The following TDP1 variants were observed in gnomAD, a reference collection of about 807,000 sequenced individuals.
TDP1 encodes the protein tyrosyl-DNA phosphodiesterase 1, also known as tyr-DNA phosphodiesterase 1.
Under a neutral mutation model 81.5 loss-of-function variants are expected in TDP1, and 64 were observed. That is an observed-to-expected ratio of 0.79 (90% CI 0.64 to 0.97). TDP1 has a LOEUF of 0.97. TDP1 is among the 50% of genes least tolerant of loss of function. TDP1 has a pLI of 0.00. For synonymous variants in TDP1, 256 were observed against 264.3 expected, an observed-to-expected ratio of 0.97 and a Z score of 0.30; for missense variants, 723 against 743.8, an observed-to-expected ratio of 0.97 and a Z score of 0.33.
intron 6 of TDP1, among the ~76,000 whole-genome samples, chr14:89,971,794 G>T (rs1893695799): frequency 6.6e-6 from 1 of 152,126 alleles, no homozygotes; most frequent in South Asian, 2.1e-4. Context: ...GTGGCTGTGG[G>T]TTTCTTTTTG....
At chr14:89,999,543 G>A (rs981413771) in intron 14 of TDP1, among the ~76,000 whole-genome samples, 1 of 152,076 alleles carries the variant, frequency 6.6e-6, no homozygotes, top group Non-Finnish European at 1.5e-5. Context: ...TAATGTTTGG[G>A]TTTGGAATGA....
At chr14:89,964,452 T>C (rs1264843802) in intron 3 of TDP1, among the ~76,000 whole-genome samples, 5 of 152,160 alleles carry the variant, frequency 3.3e-5, no homozygotes, top group Admixed American at 6.5e-5. Flanking sequence ...TGGGAGCAAA[T>C]ATATGAAGTA....
chr14:90,019,479 C>T (rs2140262891), intron 15 of TDP1, 61 bp downstream of exon 15: 1 of 936,272 alleles, frequency 1.1e-6, no homozygotes, highest in East Asian at 2.4e-5. Flanking sequence ...GCTTTGTGTT[C>T]TCTTCCTTTA....
At chr14:89,998,416 A>C (rs56994501) in intron 14 of TDP1, among the ~76,000 whole-genome samples, 4 of 85,788 alleles carry the variant, frequency 4.7e-5, no homozygotes, top group African/African-American at 2.4e-4. Context: ...ATATATATAT[A>C]TATATATGTA....
Position 89,984,519 on chromosome 14 carries a change from A to G in TDP1, c.888A>G (p.Ile296Met), listed in dbSNP as rs371566573. Residue 296 changes from isoleucine (I) to methionine (M), a missense_variant, in exon 9 of 17, where the codon ATA (isoleucine) becomes ATG (methionine). Coordinates refer to ENST00000335725, the MANE Select transcript of TDP1 (RefSeq NM_018319.4). ...HADWHQKTQG[I>M]WLSPLYPRIA... ...AAGGTTATTTTTTTAATTCCAGAAT[A>G]TGGTTGAGCCCCTTATACCCACGAA... 33 of 1,613,964 alleles carry G rather than the reference A, an allele frequency of 2.0e-5. No homozygotes were observed. The South Asian group carries it at 3.6e-4, about 18-fold the overall frequency.
rs1887420444 is a variant in TDP1, at chr14:90,032,700, C to A, written c.1645-406C>A. On this transcript the variant is annotated intron_variant, in intron 15 of 16. Transcript: ENST00000335725. The stretch of plus-strand genomic sequence containing the variant: ...TTATACATGAAAGCAGCTTTTATTT[C>A]TTCTTACTCCAGGCAGCCTGTTACT... 1.0e-5 allele frequency: 10 copies of A among 978,584 alleles called. No homozygotes were observed. In the Admixed American group the frequency reaches 6.2e-4, roughly 60 times the overall value. 60.6% of individuals were successfully genotyped at this position (978,584 alleles called of 1,614,324 possible).
chr14:89,970,298 G>A lies in TDP1; in HGVS notation c.660-877G>A, dbSNP rs1011255111. ...ATTATATTTGGAATTCAAAAATATA[G>A]CATTTTCAACGTAGCTTGGGCTCTG... On this transcript the variant is annotated intron_variant, in intron 5 of 16. Coordinates refer to ENST00000335725, the MANE Select transcript of TDP1 (RefSeq NM_018319.4). Among the ~76,000 whole-genome samples, 37 of 152,286 alleles carry A rather than the reference G, an allele frequency of 2.4e-4. No homozygotes were observed. The Middle Eastern group carries it at 0.01, about 42-fold the overall frequency.
chr14:90,029,677 T>G (rs1887061143), intron 15 of TDP1, among the ~76,000 whole-genome samples: 1 of 151,594 alleles, frequency 6.6e-6, no homozygotes, highest in Non-Finnish European at 1.5e-5. Flanking sequence ...TTTTGTATTT[T>G]TAGTAGAGAC....
intron 15 of TDP1, among the ~76,000 whole-genome samples, chr14:90,029,514 T>G (rs1211485598): frequency 1.5e-4 from 22 of 149,598 alleles, no homozygotes; most frequent in South Asian, 4.3e-4. Flanking sequence ...TTTTTTTTTT[T>G]TGAGACAGAG....
rs1888617740 is a variant in TDP1, at chr14:90,044,238, T to C, written c.*1095T>C. On this transcript the variant is annotated 3_prime_UTR_variant, in exon 17 of 17. Transcript: ENST00000335725. ...AAACATACAAAAGCACACAAGTATTTTGGGAAAAAATCCTAAAAGGTGACT... is the reference window on the plus strand; with the variant it reads ...AAACATACAAAAGCACACAAGTATTCTGGGAAAAAATCCTAAAAGGTGACT... 6.6e-6 allele frequency: 1 copy of C among 152,208 alleles called. No homozygotes were observed. The highest frequency in any genetic ancestry group is 1.5e-5 in the Non-Finnish European group (1 of 68,046). 9.4% of individuals were successfully genotyped at this position (152,208 alleles called of 1,614,324 possible).
At chr14:89,987,710 G>C (rs1002710896) in intron 10 of TDP1, among the ~76,000 whole-genome samples, 3 of 152,158 alleles carry the variant, frequency 2.0e-5, no homozygotes, top group Non-Finnish European at 2.9e-5. Flanking sequence ...CAGTCCCCTG[G>C]TGGGAGAAAG....
intron 15 of TDP1, chr14:90,022,897 G>T: frequency 1.2e-6 from 1 of 825,630 alleles, no homozygotes; most frequent in East Asian, 2.7e-5. Context: ...AGGAGAGGCT[G>T]TCCAACGGAA....
At chr14:90,035,843 C>A (rs537598290) in intron 16 of TDP1, among the ~76,000 whole-genome samples, 1 of 151,948 alleles carries the variant, frequency 6.6e-6, no homozygotes, top group Non-Finnish European at 1.5e-5. Flanking sequence ...TTCCCACCCC[C>A]AGCCCTGCAC....
At chr14:89,992,534 G>A (rs1896304012) in intron 13 of TDP1, among the ~76,000 whole-genome samples, 1 of 152,230 alleles carries the variant, frequency 6.6e-6, no homozygotes, top group African/African-American at 2.4e-5. Context: ...ACAGGTGTTT[G>A]CTGTGCTGGT....
chr14:90,013,306 C>T (rs2140234959), intron 14 of TDP1, among the ~76,000 whole-genome samples: 1 of 152,260 alleles, frequency 6.6e-6, no homozygotes, highest in Admixed American at 6.5e-5. Context: ...ACCCAAATGT[C>T]ATCTTGAACT....
intron 16 of TDP1, among the ~76,000 whole-genome samples, chr14:90,034,388 A>G (rs1596716143): frequency 6.6e-6 from 1 of 152,224 alleles, no homozygotes; most frequent in African/African-American, 2.4e-5. Flanking sequence ...AACTGCATGC[A>G]TTGAGTCTTA....
chr14:90,044,164 A>G lies in TDP1; in HGVS notation c.*1021A>G, dbSNP rs922166070. ...AAACCCAAACACCTGCCTAGGGTAA[A>G]TGGGTCTCTCTTCTATCCCCAGAAA... On this transcript the variant is annotated 3_prime_UTR_variant, in exon 17 of 17. Transcript: ENST00000335725. The G allele has an allele frequency of 6.6e-6, 1 of 152,212 alleles. No individual in the cohort carries two copies. The highest frequency in any genetic ancestry group is 1.5e-5 in the Non-Finnish European group (1 of 68,056). 9.4% of individuals were successfully genotyped at this position (152,212 alleles called of 1,614,324 possible).
Position 90,008,096 on chromosome 14 carries a change from G to A in TDP1, c.1542-11220G>A, listed in dbSNP as rs75093305. ...ATGGATTTATTTTTATTTAGTCTCA[G>A]CAGGGTTTGTTGTATTTCTTCACTC... On this transcript the variant is annotated intron_variant, in intron 14 of 16. Coordinates refer to ENST00000335725, the MANE Select transcript of TDP1 (RefSeq NM_018319.4). Among the ~76,000 whole-genome samples, 13 of 152,230 alleles carry A rather than the reference G, an allele frequency of 8.5e-5. No individual in the cohort carries two copies. In the East Asian group the frequency reaches 2.5e-3, roughly 29 times the overall value.
intron 15 of TDP1, among the ~76,000 whole-genome samples, chr14:90,021,179 C>T (rs1286682161): frequency 6.6e-6 from 1 of 152,178 alleles, no homozygotes; most frequent in East Asian, 1.9e-4. Flanking sequence ...GTGAAGAGCT[C>T]TTTTCTCCCT....
Sources: allele counts gnomAD v4.1 joint callset (sites outside exome capture counted in the v4.1 genomes callset), GRCh38; gene constraint gnomAD v4.1.1; transcripts MANE v1.5; gene names NCBI Gene and HGNC (gene_info 2026-07-23, HGNC 2026-07-21).